The following ICAM4 variants were observed in gnomAD, a reference collection of about 807,000 sequenced individuals.
The protein encoded by ICAM4 is intercellular adhesion molecule 4 (Landsteiner-Wiener blood group).
Under a neutral mutation model 18.8 loss-of-function variants are expected in ICAM4, and 16 were observed. The observed-to-expected ratio is 0.85, with a 90% CI of 0.58 to 1.29. The LOEUF (loss-of-function observed/expected upper bound fraction) is 1.29. ICAM4 is among the 50% of genes most tolerant of loss of function. The probability of loss-of-function intolerance (pLI) is 0.00; values close to 1 mark genes in which losing one functional copy is unlikely to be tolerated. For synonymous variants in ICAM4, 163 were observed against 163.2 expected, an observed-to-expected ratio of 1.00 and a Z score of 0.01; for missense variants, 338 against 364.3, an observed-to-expected ratio of 0.93 and a Z score of 0.59.
chr19:10,288,057 G>C lies in ICAM4; in HGVS notation c.769G>C (p.Gly257Arg), dbSNP rs2040135069. 3 of 1,614,166 alleles carry C rather than the reference G, an allele frequency of 1.9e-6. No individual in the cohort carries two copies. The highest frequency in any genetic ancestry group is 2.2e-5 in the East Asian group (1 of 44,880). Residue 257 changes from glycine to arginine, a missense_variant, in exon 3 of 3, where the codon GGC (glycine) becomes CGC (arginine). Transcript: ENST00000380770. ...AALVGILLTV[G>R]AAYLCKCLAM... Reference sequence around the variant, plus strand: ...CCTTGTAGGGATCCTCCTCACTGTGGGCGCTGCGTACCTATGCAAGTGCCT... The same window carrying C: ...CCTTGTAGGGATCCTCCTCACTGTGCGCGCTGCGTACCTATGCAAGTGCCT...
chr19:10,287,113 C>T lies in ICAM4; in HGVS notation c.101C>T (p.Pro34Leu). Residue 34 changes from proline to leucine, a missense_variant, in exon 1 of 3, where the codon CCC becomes CTC. Transcript: ENST00000380770. The surrounding 1 kb of genome is among the most constrained non-coding windows in gnomAD (Gnocchi z 8.7). ...LGRRTKRAQS[P>L]KGSPLAPSGT... ...CGCCGGACTAAGCGGGCGCAAAGCC[C>T]CAAGGGTAGCCCTCTCGCGCCCTCC... The T allele has an allele frequency of 6.2e-7, 1 of 1,607,200 alleles. No homozygotes were observed. The highest frequency in any genetic ancestry group is 8.5e-7 in the Non-Finnish European group (1 of 1,176,058).
rs2040130929 is a variant in ICAM4, at chr19:10,287,792, C to A, written c.651C>A (p.Asp217Glu). 1 of 1,613,392 alleles carries A rather than the reference C, an allele frequency of 6.2e-7. No homozygotes were observed. Residue 217 changes from aspartate (D) to glutamate (E), a missense_variant, in exon 2 of 3, where the codon GAC becomes GAA. Physicochemically the swap from Asp to Glu is conservative, Grantham distance 45. Transcript: ENST00000380770. The surrounding 1 kb of genome is among the most constrained non-coding windows in gnomAD (Gnocchi z 8.7). ...PVICHARLNL[D>E]GLVVRNSSAP... ...TCTGCCACGCGCGCCTCAATCTCGACGGCCTGGTGGTCCGCAACAGCTCGG... is the reference window on the plus strand; with the variant it reads ...TCTGCCACGCGCGCCTCAATCTCGAAGGCCTGGTGGTCCGCAACAGCTCGG...
In ICAM4 at chr19:10,287,123, C is replaced by T; in HGVS notation, c.111C>T (p.Ser37=). 1 of 1,607,952 alleles carries T rather than the reference C, an allele frequency of 6.2e-7. No homozygotes were observed. The highest frequency in any genetic ancestry group is 8.5e-7 in the Non-Finnish European group (1 of 1,176,634). ...RTKRAQSPKG[S]PLAPSGTSVP... ...AGCGGGCGCAAAGCCCCAAGGGTAG[C>T]CCTCTCGCGCCCTCCGGGACCTCAG... Residue 37 remains serine (S), a synonymous_variant, in exon 1 of 3, where the codon AGC becomes AGT. Coordinates refer to ENST00000380770, the MANE Select transcript of ICAM4 (RefSeq NM_001544.5). The surrounding 1 kb of genome is among the most constrained non-coding windows in gnomAD (Gnocchi z 8.7).
chr19:10,288,272 A>AC lies in ICAM4; in HGVS notation c.*172dup, dbSNP rs572585716. ...AGACCAGCCTGGACAACATAGTGAGACCCCGTCTATGCAAAAAATACACAA... is the reference window on the plus strand; with the variant it reads ...AGACCAGCCTGGACAACATAGTGAGACCCCCGTCTATGCAAAAAATACACAA... On this transcript the variant is annotated 3_prime_UTR_variant, in exon 3 of 3. Transcript: ENST00000380770. The AC allele has an allele frequency of 1.4e-4, 147 of 1,037,898 alleles. No individual in the cohort carries two copies. In the African/African-American group the frequency reaches 2.2e-3, roughly 15 times the overall value. The allele number at this position is 1,037,898 out of a possible 1,614,324, so 64.3% of individuals were successfully genotyped here.
chr19:10,287,547 A>G lies in ICAM4; in HGVS notation c.406A>G (p.Ser136Gly). ...CCCCCTTGCCTTAGAACCGCCCCAC[A>G]GCGTGATTTTGGAGCCTCCGGTCTT... is the stretch of plus-strand genomic sequence containing the variant. ...SRITAYKPPH[S>G]VILEPPVLKG... Residue 136 changes from serine (S) to glycine (G), a missense_variant, in exon 2 of 3, where the codon AGC (serine) becomes GGC (glycine). Transcript: ENST00000380770. This position sits in a 1 kb window ranked among gnomAD's most constrained non-coding sequence, Gnocchi z 8.7. 1 of 1,613,240 alleles carries G rather than the reference A, an allele frequency of 6.2e-7. No homozygotes were observed. The highest frequency in any genetic ancestry group is 2.2e-5 in the East Asian group (1 of 44,848).
In ICAM4 at chr19:10,288,157, T is replaced by C; in HGVS notation, c.*53T>C. 1 of 1,613,884 alleles carries C rather than the reference T, an allele frequency of 6.2e-7. No homozygotes were observed. Among genetic ancestry groups the C allele is most frequent in the Middle Eastern group, 1.7e-4 (1 of 6,056 alleles). The stretch of plus-strand genomic sequence containing the variant: ...AGAAAAAGAGGAATATGAAACAATC[T>C]GGGGAAATGGCCATACATGGTGGCT... On this transcript the variant is annotated 3_prime_UTR_variant, in exon 3 of 3. Coordinates refer to ENST00000380770, the MANE Select transcript of ICAM4 (RefSeq NM_001544.5).
chr19:10,287,698 T>A lies in ICAM4; in HGVS notation c.557T>A (p.Leu186Gln). Residue 186 changes from leucine to glutamine, a missense_variant, in exon 2 of 3, where the codon CTG becomes CAG. Coordinates refer to ENST00000380770, the MANE Select transcript of ICAM4 (RefSeq NM_001544.5). This position sits in a 1 kb window ranked among gnomAD's most constrained non-coding sequence, Gnocchi z 8.7. Reference sequence around the variant, plus strand: ...GAAAGCCTGGAGCGCTTCACCGGCCTGGATCTGGCCAACGTGACCTTGACC... The same window carrying A: ...GAAAGCCTGGAGCGCTTCACCGGCCAGGATCTGGCCAACGTGACCTTGACC... The part of the protein sequence containing the change: ...YSESLERFTG[L>Q]DLANVTLTYE... The A allele has an allele frequency of 3.7e-6, 6 of 1,614,098 alleles. No homozygotes were observed. Among genetic ancestry groups the A allele is most frequent in the Non-Finnish European group, 5.1e-6 (6 of 1,180,024 alleles).
In ICAM4 at chr19:10,287,957, C is replaced by G; in HGVS notation, c.698-29C>G. 1.9e-6 allele frequency: 3 copies of G among 1,613,812 alleles called. No individual in the cohort carries two copies. The highest frequency in any genetic ancestry group is 2.5e-6 in the Non-Finnish European group (3 of 1,179,968). On this transcript the variant is annotated intron_variant, in intron 2 of 2. Transcript: ENST00000380770. The surrounding 1 kb of genome is among the most constrained non-coding windows in gnomAD (Gnocchi z 8.7). ...CGGGTCGACAGACCTCCCTGTGTTC[C>G]GTTCCTAATTCTCGCCTTCTGCTCC... is the stretch of plus-strand genomic sequence containing the variant.
chr19:10,287,322 G>A lies in ICAM4; in HGVS notation c.310G>A (p.Val104Met). The A allele has an allele frequency of 6.2e-7, 1 of 1,613,562 alleles. No homozygotes were observed. The highest frequency in any genetic ancestry group is 8.5e-7 in the Non-Finnish European group (1 of 1,179,958). The change falls in exon 1 of 3, where the codon GTG (valine) becomes ATG (methionine). Residue 104 changes from valine to methionine, a missense_variant. By Grantham distance (21) the Val-to-Met change is conservative. Transcript: ENST00000380770. The surrounding 1 kb of genome is among the most constrained non-coding windows in gnomAD (Gnocchi z 8.7). ...TTGGGTGTCTTACCAGCTGCTCGAC[G>A]TGAGGGCCTGGAGCTCCCTCGCGCA... ...PGWVSYQLLDVRAWSSLAHCL... is the reference protein window; with the variant it reads ...PGWVSYQLLDMRAWSSLAHCL...
At position 10,287,972 on chromosome 19, in the gene ICAM4, CCTT is replaced by C; in HGVS notation, c.698-11_698-9del. On this transcript the variant is annotated splice_polypyrimidine_tract_variant and intron_variant, in intron 2 of 2. Transcript: ENST00000380770. The surrounding 1 kb of genome is among the most constrained non-coding windows in gnomAD (Gnocchi z 8.7). ...CCCTGTGTTCCGTTCCTAATTCTCG[CCTT>C]CTGCTCCCAGCTTGGAGCCCCGCGC... 6.2e-7 allele frequency: 1 copy of C among 1,614,090 alleles called. No homozygotes were observed. The highest frequency in any genetic ancestry group is 8.5e-7 in the Non-Finnish European group (1 of 1,180,020).
chr19:10,287,424 G>C lies in ICAM4; in HGVS notation c.394+18G>C. On this transcript the variant is annotated intron_variant, in intron 1 of 2. Coordinates refer to ENST00000380770, the MANE Select transcript of ICAM4 (RefSeq NM_001544.5). The surrounding 1 kb of genome is among the most constrained non-coding windows in gnomAD (Gnocchi z 8.7). Reference sequence around the variant, plus strand: ...CGCCTACAGTGAGGGACAGGGGCTCGGTCCCGGCTGGGGTGAGGGGAGGGG... The same window carrying C: ...CGCCTACAGTGAGGGACAGGGGCTCCGTCCCGGCTGGGGTGAGGGGAGGGG... 6.3e-7 allele frequency: 1 copy of C among 1,593,324 alleles called. No homozygotes were observed. The highest frequency in any genetic ancestry group is 1.1e-5 in the South Asian group (1 of 88,488).
rs750773201 is a variant in ICAM4, at chr19:10,287,578, G to A, written c.437G>A (p.Gly146Asp). ...ATTTTGGAGCCTCCGGTCTTAAAGG[G>A]CAGGAAATACACTTTGCGCTGCCAC... ...SVILEPPVLK[G>D]RKYTLRCHVT... Residue 146 changes from glycine to aspartate, a missense_variant, in exon 2 of 3, where the codon GGC (glycine) becomes GAC (aspartate). Physicochemically the swap from Gly to Asp is moderately conservative, Grantham distance 94 (BLOSUM62 -1). Coordinates refer to ENST00000380770, the MANE Select transcript of ICAM4 (RefSeq NM_001544.5). The surrounding 1 kb of genome is among the most constrained non-coding windows in gnomAD (Gnocchi z 8.7). 4.5e-5 allele frequency: 73 copies of A among 1,613,902 alleles called. No homozygotes were observed. The highest frequency in any genetic ancestry group is 5.6e-5 in the Non-Finnish European group (66 of 1,179,984).
chr19:10,287,887 A>G lies in ICAM4; in HGVS notation c.697+49A>G. 6.2e-7 allele frequency: 1 copy of G among 1,607,204 alleles called. No individual in the cohort carries two copies. Among genetic ancestry groups the G allele is most frequent in the South Asian group, 1.1e-5 (1 of 91,024 alleles). On this transcript the variant is annotated intron_variant, in intron 2 of 2. Coordinates refer to ENST00000380770, the MANE Select transcript of ICAM4 (RefSeq NM_001544.5). This position sits in a 1 kb window ranked among gnomAD's most constrained non-coding sequence, Gnocchi z 8.7. Reference sequence around the variant, plus strand: ...GGACTAGGAGGAAGGGGGCAGAGAGAGTTATGACCCCGAGAGGGCGCACAG... The same window carrying G: ...GGACTAGGAGGAAGGGGGCAGAGAGGGTTATGACCCCGAGAGGGCGCACAG...
Position 10,288,253 on chromosome 19 carries a change from G to C in ICAM4, c.*149G>C, listed in dbSNP as rs55677215. On this transcript the variant is annotated 3_prime_UTR_variant, in exon 3 of 3. Transcript: ENST00000380770. ...GCTTGAGCCCAGGAGTTCGAGACCA[G>C]CCTGGACAACATAGTGAGACCCCGT... The C allele has an allele frequency of 6.4e-6, 8 of 1,255,930 alleles. No homozygotes were observed. The highest frequency in any genetic ancestry group is 9.1e-6 in the Non-Finnish European group (8 of 876,848). 77.8% of individuals were successfully genotyped at this position (1,255,930 alleles called of 1,614,324 possible).
At position 10,288,307 on chromosome 19, in the gene ICAM4, G is replaced by T; in HGVS notation, c.*203G>T. On this transcript the variant is annotated 3_prime_UTR_variant, in exon 3 of 3. Transcript: ENST00000380770. ...TGCAAAAAATACACAAATTAGCCTG[G>T]TGTGGTGGCCCGCACCTGTGGTCCC... The T allele has an allele frequency of 2.5e-6, 2 of 784,332 alleles. No homozygotes were observed. The highest frequency in any genetic ancestry group is 1.6e-5 in the South Asian group (1 of 61,152). 48.6% of individuals were successfully genotyped at this position (784,332 alleles called of 1,614,324 possible).
Position 10,288,437 on chromosome 19 carries a change from G to A in ICAM4, c.*333G>A. The stretch of plus-strand genomic sequence containing the variant: ...CACTCCAGCCTGGGGGACAGAGCAC[G>A]ACCCTGTCTCCAAAAATAAAATAAA... On this transcript the variant is annotated 3_prime_UTR_variant, in exon 3 of 3. Coordinates refer to ENST00000380770, the MANE Select transcript of ICAM4 (RefSeq NM_001544.5). The A allele has an allele frequency of 8.3e-6, 4 of 483,800 alleles. No individual in the cohort carries two copies. The highest frequency in any genetic ancestry group is 1.5e-5 in the Non-Finnish European group (4 of 269,896). 30.0% of individuals were successfully genotyped at this position (483,800 alleles called of 1,614,324 possible). A position where few individuals can be genotyped will look rare whatever the true frequency, so the allele number is the denominator to read the frequency against.
rs893977191 is a variant in ICAM4, at chr19:10,288,169, C to A, written c.*65C>A. 5 of 1,613,268 alleles carry A rather than the reference C, an allele frequency of 3.1e-6. No homozygotes were observed. Among genetic ancestry groups the A allele is most frequent in the South Asian group, 1.1e-5 (1 of 91,026 alleles). ...ATATGAAACAATCTGGGGAAATGGC[C>A]ATACATGGTGGCTGACGCCTGTAAT... On this transcript the variant is annotated 3_prime_UTR_variant, in exon 3 of 3. Coordinates refer to ENST00000380770, the MANE Select transcript of ICAM4 (RefSeq NM_001544.5).
At position 10,287,868 on chromosome 19, in the gene ICAM4, G is replaced by A. The variant is rs1284018539; in HGVS notation, c.697+30G>A. 2 of 1,608,060 alleles carry A rather than the reference G, an allele frequency of 1.2e-6. No individual in the cohort carries two copies. The highest frequency in any genetic ancestry group is 2.7e-5 in the African/African-American group (2 of 74,906). On this transcript the variant is annotated intron_variant, in intron 2 of 2. Transcript: ENST00000380770. This position sits in a 1 kb window ranked among gnomAD's most constrained non-coding sequence, Gnocchi z 8.7. ...GGCACCCCTGTAACCCTGGGGACTA[G>A]GAGGAAGGGGGCAGAGAGAGTTATG...
rs1368217141 is a variant in ICAM4 at position 10,288,109 on chromosome 19, G to T, written c.*5G>T. The T allele has an allele frequency of 1.9e-6, 3 of 1,614,166 alleles. No individual in the cohort carries two copies. The highest frequency in any genetic ancestry group is 2.5e-6 in the Non-Finnish European group (3 of 1,180,028). ...GCTATGAAGTCCCAGGCGTAAAGGG[G>T]GATGTTCTATGCCGGCTGAGCGAGA... On this transcript the variant is annotated 3_prime_UTR_variant, in exon 3 of 3. Transcript: ENST00000380770.
Sources: gnomAD v4.1 joint callset for allele counts on GRCh38, gnomAD v4.1.1 for gene constraint, Gnocchi (gnomAD v3.1) non-coding constraint, MANE v1.5 for transcripts, NCBI Gene and HGNC (gene_info 2026-07-23, HGNC 2026-07-21) for gene names.